Variants in CFAP20DC observed in about 807,000 individuals in gnomAD.
CFAP20DC encodes protein CFAP20DC.
A neutral mutation model predicts 101.7 loss-of-function variants in CFAP20DC; 84 were observed. The ratio of observed to expected loss-of-function variants is 0.83; its 90% confidence interval spans 0.69 to 0.99. CFAP20DC has a LOEUF of 0.99. CFAP20DC is among the 50% of genes least tolerant of loss of function. CFAP20DC has a pLI of 0.00. For missense variants in CFAP20DC, 1,007 were observed against 970.3 expected, an observed-to-expected ratio of 1.04 and a Z score of -0.50; for synonymous variants, 359 against 351.2, an observed-to-expected ratio of 1.02 and a Z score of -0.25.
In CFAP20DC at chr3:58,844,080, C is replaced by G. The variant is rs1419886043; in HGVS notation, c.1971+4952G>C. 1.6e-4 allele frequency among the ~76,000 whole-genome samples: 16 copies of G among 97,406 alleles called. No homozygotes were observed. In the South Asian group the frequency reaches 2.8e-3, roughly 17 times the overall value. 63.9% of individuals were successfully genotyped at this position (97,406 alleles called of 152,430 possible). A position where few individuals can be genotyped will look rare whatever the true frequency, so the allele number is the denominator to read the frequency against. Reference sequence around the variant, plus strand: ...AATCATGCCAAAATGTAAAGACCATCGAGACTAGGAAGAAACTGCATCAAC... The same window carrying G: ...AATCATGCCAAAATGTAAAGACCATGGAGACTAGGAAGAAACTGCATCAAC... On this transcript the variant is annotated intron_variant, in intron 13 of 16. Coordinates refer to ENST00000482387, the MANE Select transcript of CFAP20DC (RefSeq NM_001394063.1).
chr3:58,922,937 C>T (rs2085547317), intron 5 of CFAP20DC, among the ~76,000 whole-genome samples: 1 of 151,990 alleles, frequency 6.6e-6, no homozygotes, highest in Admixed American at 6.6e-5. Context: ...AAGTATATTA[C>T]CATCTCCACC....
At position 58,751,862 on chromosome 3, in the gene CFAP20DC, CACACAA is replaced by C. The variant is rs1221636067; in HGVS notation, c.2332+1901_2332+1906del. 2.9e-4 allele frequency among the ~76,000 whole-genome samples: 39 copies of C among 135,386 alleles called. No individual in the cohort carries two copies. In the East Asian group the frequency reaches 9.5e-3, roughly 33 times the overall value. The allele number at this position is 135,386 out of a possible 152,430, so 88.8% of individuals were successfully genotyped here. ...TGTAACACACACACACACACACACA[CACACAA>C]AATTTCCTCCTGGTGGTGGTGTGAG... is the stretch of plus-strand genomic sequence containing the variant. On this transcript the variant is annotated intron_variant, in intron 16 of 16. Coordinates refer to ENST00000482387, the MANE Select transcript of CFAP20DC (RefSeq NM_001394063.1).
Position 59,014,542 on chromosome 3 carries a change from C to T in CFAP20DC, c.278+25015G>A, listed in dbSNP as rs1559993086. On this transcript the variant is annotated intron_variant, in intron 4 of 16. Transcript: ENST00000482387. This position sits in a 1 kb window ranked among gnomAD's most constrained non-coding sequence, Gnocchi z 4.9. ...AAAAGCCTGAATTTTTCTGACAGTA[C>T]TTGCAGTTAAATTTTATTTAAGCAA... Among the ~76,000 whole-genome samples, 1 of 152,156 alleles carries T rather than the reference C, an allele frequency of 6.6e-6. No individual in the cohort carries two copies. Among genetic ancestry groups the T allele is most frequent in the Non-Finnish European group, 1.5e-5 (1 of 68,014 alleles).
chr3:58,742,699 C>T, intron 16 of CFAP20DC, 127 bp from the exon 17 acceptor site: 1 of 534,030 alleles, frequency 1.9e-6, no homozygotes, highest in Non-Finnish European at 3.2e-6. Context: ...AAGGTTTAGG[C>T]CTGAAGGAAG....
intron 14 of CFAP20DC, among the ~76,000 whole-genome samples, chr3:58,813,290 A>G (rs17059864): frequency 0.041 from 6,165 of 152,012 alleles, 251 homozygotes; most frequent in African/African-American, 0.084. Context: ...TTCCAATGGA[A>G]CTTGATCTTT....
In CFAP20DC at chr3:59,030,731, A is replaced by G. The variant is rs114338663; in HGVS notation, c.278+8826T>C. On this transcript the variant is annotated intron_variant, in intron 4 of 16. Transcript: ENST00000482387. ...GAAAGAAGTCATCAGGTTGACTCAG[A>G]TATCAACTGCTCTCTGGCTAGGACT... is the stretch of plus-strand genomic sequence containing the variant. Among the ~76,000 whole-genome samples the G allele has an allele frequency of 4.4e-3, 673 of 152,334 alleles. 3 individuals are homozygous for G. Among genetic ancestry groups the G allele is most frequent in the African/African-American group, 0.016 (646 of 41,584 alleles).
intron 14 of CFAP20DC, among the ~76,000 whole-genome samples, chr3:58,815,221 A>C (rs812123): frequency 6.0e-5 from 9 of 150,736 alleles, no homozygotes; most frequent in Admixed American, 1.3e-4. Flanking sequence ...ACAACTATCT[A>C]ATCTTTGACA....
In CFAP20DC at chr3:58,864,896, C is replaced by T. The variant is rs2079548543; in HGVS notation, c.1259-1004G>A. On this transcript the variant is annotated intron_variant, in intron 11 of 16. Coordinates refer to ENST00000482387, the MANE Select transcript of CFAP20DC (RefSeq NM_001394063.1). This position sits in a 1 kb window ranked among gnomAD's most constrained non-coding sequence, Gnocchi z 4.7. Reference sequence around the variant, plus strand: ...TTATTGTTTTCTTTAAAATACCATACACTACAGGGAAATATATATTTTTTC... The same window carrying T: ...TTATTGTTTTCTTTAAAATACCATATACTACAGGGAAATATATATTTTTTC... Among the ~76,000 whole-genome samples, 1 of 152,122 alleles carries T rather than the reference C, an allele frequency of 6.6e-6. No homozygotes were observed. The highest frequency in any genetic ancestry group is 1.5e-5 in the Non-Finnish European group (1 of 68,008).
intron 13 of CFAP20DC, among the ~76,000 whole-genome samples, chr3:58,838,365 G>C (rs2076880005): frequency 6.6e-6 from 1 of 152,120 alleles, no homozygotes; most frequent in Non-Finnish European, 1.5e-5. Context: ...TGCTGCCTTT[G>C]AAATATCTGT....
At chr3:58,880,598 ATTATGTT>A (rs2081162656) in intron 7 of CFAP20DC, among the ~76,000 whole-genome samples, 1 of 152,076 alleles carries the variant, frequency 6.6e-6, no homozygotes, top group African/African-American at 2.4e-5. Flanking sequence ...AATATTTAAT[ATTATGTT>A]TTATATTATT....
At chr3:58,916,823 A>C (rs1333840386) in intron 5 of CFAP20DC, among the ~76,000 whole-genome samples, 3 of 152,182 alleles carry the variant, frequency 2.0e-5, no homozygotes, top group African/African-American at 7.2e-5. Context: ...CATTGTTCAT[A>C]TAAATGCTGT....
rs73837995 is a variant in CFAP20DC, at chr3:58,874,215, C to T, written c.716-3906G>A. On this transcript the variant is annotated intron_variant, in intron 7 of 16. Coordinates refer to ENST00000482387, the MANE Select transcript of CFAP20DC (RefSeq NM_001394063.1). This position sits in a 1 kb window ranked among gnomAD's most constrained non-coding sequence, Gnocchi z 5.1. ...GAAAAGTCAGAATCTAGGTGTCATG[C>T]TTGACACCTTCCCCTGATCTCTCCA... Among the ~76,000 whole-genome samples the T allele has an allele frequency of 0.031, 4,767 of 152,260 alleles. 230 individuals carry two copies. Among genetic ancestry groups the T allele is most frequent in the African/African-American group, 0.11 (4,431 of 41,536 alleles).
In CFAP20DC at chr3:58,842,634, A is replaced by C. The variant is rs147926887; in HGVS notation, c.1971+6398T>G. Among the ~76,000 whole-genome samples, 22 of 152,264 alleles carry C rather than the reference A, an allele frequency of 1.4e-4. No individual in the cohort carries two copies. The East Asian group carries it at 3.9e-3, about 27-fold the overall frequency. On this transcript the variant is annotated intron_variant, in intron 13 of 16. Transcript: ENST00000482387. ...GCTTGATTAGGGAAACAAAGCAGCCAGGAAGCTCTAACTGGGTGGAGCCCG... is the reference window on the plus strand; with the variant it reads ...GCTTGATTAGGGAAACAAAGCAGCCCGGAAGCTCTAACTGGGTGGAGCCCG...
chr3:58,719,735 G>A (rs2067444861), intron 3 of CFAP20DC, among the ~76,000 whole-genome samples: 1 of 152,234 alleles, frequency 6.6e-6, no homozygotes, highest in South Asian at 2.1e-4. Context: ...CAAAGAGCCA[G>A]CTCAGGCTTC....
chr3:58,851,697 C>T (rs553813208), intron 12 of CFAP20DC, among the ~76,000 whole-genome samples: 3 of 152,180 alleles, frequency 2.0e-5, no homozygotes, highest in Admixed American at 6.5e-5. Context: ...AACTGAGGAT[C>T]CTGGGAATAT....
chr3:58,867,671 A>G (rs1576025796), intron 10 of CFAP20DC, 146 bp downstream of exon 10: 2 of 942,620 alleles, frequency 2.1e-6, no homozygotes, highest in East Asian at 5.3e-5. Flanking sequence ...TTTGCAGAAA[A>G]TTTGATTTCC....
At position 59,039,381 on chromosome 3, in the gene CFAP20DC, A is replaced by G. The variant is rs17060045; in HGVS notation, c.278+176T>C. 2.9e-3 allele frequency among the ~76,000 whole-genome samples: 440 copies of G among 152,202 alleles called. 4 individuals are homozygous for G. The highest frequency in any genetic ancestry group is 0.01 in the African/African-American group (425 of 41,552). ...TCTTTTCCTAGGGAAATGCCAGACT[A>G]TAGTGATATCCAAGAAATATGATTA... is the stretch of plus-strand genomic sequence containing the variant. On this transcript the variant is annotated intron_variant, in intron 4 of 16. Transcript: ENST00000482387.
intron 3 of CFAP20DC, among the ~76,000 whole-genome samples, chr3:58,736,182 T>C (rs1331084288): frequency 6.6e-6 from 1 of 152,188 alleles, no homozygotes; most frequent in Non-Finnish European, 1.5e-5. Context: ...ATACTATGCT[T>C]ACTAAGATTA....
Position 58,864,197 on chromosome 3 carries a change from T to A in CFAP20DC, c.1259-305A>T, listed in dbSNP as rs148867431. Among the ~76,000 whole-genome samples, 123 of 152,314 alleles carry A rather than the reference T, an allele frequency of 8.1e-4. 1 individual carries two copies. The highest frequency in any genetic ancestry group is 2.9e-3 in the African/African-American group (120 of 41,582). Reference sequence around the variant, plus strand: ...TGGTCTTGAACTCCTGACTTCATGATCTGCCCGCCTCGGCCTCCCAAAAAG... The same window carrying A: ...TGGTCTTGAACTCCTGACTTCATGAACTGCCCGCCTCGGCCTCCCAAAAAG... On this transcript the variant is annotated intron_variant, in intron 11 of 16. Coordinates refer to ENST00000482387, the MANE Select transcript of CFAP20DC (RefSeq NM_001394063.1). This position sits in a 1 kb window ranked among gnomAD's most constrained non-coding sequence, Gnocchi z 4.7.
Sources: gnomAD v4.1 joint callset for allele counts (sites outside exome capture counted in the v4.1 genomes callset) on GRCh38, gnomAD v4.1.1 for gene constraint, Gnocchi (gnomAD v3.1) non-coding constraint, MANE v1.5 for transcripts, NCBI Gene and HGNC (gene_info 2026-07-23, HGNC 2026-07-21) for gene names.